Variants in SULF2 observed in about 807,000 individuals in gnomAD.
The protein encoded by SULF2 is sulfatase 2, also known as extracellular sulfatase Sulf-2.
In SULF2, 52 loss-of-function variants were observed where a neutral mutation model predicts 107.7. That is an observed-to-expected ratio of 0.48 (90% CI 0.39 to 0.61). The LOEUF (loss-of-function observed/expected upper bound fraction) is 0.61. Ranked by LOEUF, SULF2 falls within the 20% of genes least tolerant of loss-of-function variation. The pLI is 0.00. For missense variants in SULF2, 993 were observed against 1,177.3 expected (o/e 0.84, Z 2.29); for synonymous variants, 460 against 464.3 (o/e 0.99, Z 0.12).
At chr20:47,767,662 C>T (rs2090552414) in intron 1 of SULF2, among the ~76,000 whole-genome samples, 1 of 152,120 alleles carries the variant, frequency 6.6e-6, no homozygotes, top group Admixed American at 6.5e-5. Flanking sequence ...GTAGTCCTAG[C>T]TACTTGGAAG....
At chr20:47,745,929 C>A (rs953816737) in intron 2 of SULF2, among the ~76,000 whole-genome samples, 3 of 152,132 alleles carry the variant, frequency 2.0e-5, no homozygotes, top group African/African-American at 7.2e-5. Context: ...TTAGGTCTGC[C>A]CAAAAGGAAA....
rs2089747963 is a variant in SULF2, at chr20:47,736,935, C to T, written c.183G>A (p.Met61Ile). The T allele has an allele frequency of 6.2e-7, 1 of 1,614,088 alleles. No individual in the cohort carries two copies. Among genetic ancestry groups the T allele is most frequent in the Admixed American group, 1.7e-5 (1 of 60,012 alleles). ...TGCGCCGGGTCTTGTTCATCACCTG[C>T]ATGGAACCTGCAAGTCAAGGGTGGA... is the stretch of plus-strand genomic sequence containing the variant. The part of the protein sequence containing the change: ...TDDQDVELGS[M>I]QVMNKTRRIM... Residue 61 changes from methionine (M) to isoleucine (I), a missense_variant, in exon 3 of 21, where the codon ATG (methionine) becomes ATA (isoleucine). Around this residue, in one of 3 missense-constraint regions of SULF2, gnomAD observed 388 missense variants for 449.2 expected, o/e 0.86. Transcript: ENST00000688720.
intron 4 of SULF2, among the ~76,000 whole-genome samples, chr20:47,691,048 A>AGTAAATT (rs1316823117): frequency 2.0e-5 from 3 of 152,214 alleles, no homozygotes; most frequent in Non-Finnish European, 4.4e-5. Context: ...AGAGAAGCTA[A>AGTAAATT]GTAAATTGCC....
chr20:47,676,442 G>C (rs1391363915), intron 10 of SULF2, 52 bp downstream of exon 10: 1 of 1,584,788 alleles, frequency 6.3e-7, no homozygotes, highest in East Asian at 2.2e-5. Context: ...GCAGGTCAGG[G>C]CCGGCTGCAG....
chr20:47,782,538 A>G (rs1296189137), intron 1 of SULF2, among the ~76,000 whole-genome samples: 1 of 152,104 alleles, frequency 6.6e-6, no homozygotes, highest in Non-Finnish European at 1.5e-5. Context: ...CCTGACACAG[A>G]GCACCCTGGC....
intron 3 of SULF2, among the ~76,000 whole-genome samples, chr20:47,715,919 T>A (rs1451229647): frequency 1.3e-5 from 2 of 152,226 alleles, no homozygotes; most frequent in East Asian, 1.9e-4. Context: ...GTGCACACCC[T>A]CTGTGAGTGG....
chr20:47,679,825 T>C (rs567403837), intron 7 of SULF2, among the ~76,000 whole-genome samples: 2 of 152,294 alleles, frequency 1.3e-5, no homozygotes, highest in South Asian at 2.1e-4. Flanking sequence ...GCAGCACAGA[T>C]ACCCAACACA....
At chr20:47,745,930 C>A (rs1384545113) in intron 2 of SULF2, among the ~76,000 whole-genome samples, 1 of 152,180 alleles carries the variant, frequency 6.6e-6, no homozygotes, top group Non-Finnish European at 1.5e-5. Context: ...TAGGTCTGCC[C>A]AAAAGGAAAG....
Position 47,676,489 on chromosome 20 carries a change from C to T in SULF2, c.1380+5G>A. 1 of 1,608,128 alleles carries T rather than the reference C, an allele frequency of 6.2e-7. No individual in the cohort carries two copies. The highest frequency in any genetic ancestry group is 8.5e-7 in the Non-Finnish European group (1 of 1,178,698). On this transcript the variant is annotated splice_donor_5th_base_variant and intron_variant, in intron 10 of 20. Transcript: ENST00000688720. ...AGCCGTTGGGAGGGAAGGGAGCCTT[C>T]TTACCTGTCCCAGCTGCTCACACGC...
rs189275824 is a variant in SULF2, at chr20:47,726,201, G to C, written c.415+10502C>G. Reference sequence around the variant, plus strand: ...CTCCCAAAAGATTTTGTTTGATTAGGCTTTATTCTTCTTTCTTTTTTAGAG... The same window carrying C: ...CTCCCAAAAGATTTTGTTTGATTAGCCTTTATTCTTCTTTCTTTTTTAGAG... On this transcript the variant is annotated intron_variant, in intron 3 of 20. Coordinates refer to ENST00000688720, the MANE Select transcript of SULF2 (RefSeq NM_001387048.1). Among the ~76,000 whole-genome samples the C allele has an allele frequency of 4.6e-4, 70 of 152,140 alleles. 2 individuals carry two copies. Among genetic ancestry groups the C allele is most frequent in the African/African-American group, 1.7e-3 (69 of 41,516 alleles).
chr20:47,746,977 A>AT lies in SULF2; in HGVS notation c.176-10036dup, dbSNP rs1491229744. On this transcript the variant is annotated intron_variant, in intron 2 of 20. Coordinates refer to ENST00000688720, the MANE Select transcript of SULF2 (RefSeq NM_001387048.1). Reference sequence around the variant, plus strand: ...TGTGCACATGTACCCTAGAACTTAAATAAATAAAAAAAAAAAAATATATAT... The same window carrying AT: ...TGTGCACATGTACCCTAGAACTTAAATTAAATAAAAAAAAAAAAATATATAT... 9.0e-3 allele frequency among the ~76,000 whole-genome samples: 472 copies of AT among 52,628 alleles called. 2 individuals are homozygous for AT. The highest frequency in any genetic ancestry group is 0.037 in the Middle Eastern group (4 of 108). The allele number at this position is 52,628 out of a possible 152,430, so 34.5% of individuals were successfully genotyped here.
chr20:47,689,093 G>T (rs139314755), intron 5 of SULF2, among the ~76,000 whole-genome samples: 1 of 152,258 alleles, frequency 6.6e-6, no homozygotes, highest in Non-Finnish European at 1.5e-5. Context: ...GGCTGGACTT[G>T]AATCCTGGCT....
At chr20:47,758,778 G>A (rs771542498) in intron 1 of SULF2, among the ~76,000 whole-genome samples, 7 of 152,216 alleles carry the variant, frequency 4.6e-5, no homozygotes, top group South Asian at 2.1e-4. Flanking sequence ...GAGCATGAGC[G>A]AGAGAGCCAC....
chr20:47,679,777 T>C (rs186884991), intron 7 of SULF2, among the ~76,000 whole-genome samples: 1 of 152,284 alleles, frequency 6.6e-6, no homozygotes, highest in Admixed American at 6.5e-5. Context: ...TGTACATGTG[T>C]GTTGTCTTAA....
At chr20:47,661,661 C>T (rs199836587) in intron 18 of SULF2, 112 bp downstream of exon 18, 491 of 1,186,968 alleles carry the variant, frequency 4.1e-4, no homozygotes, top group Admixed American at 7.0e-4. Context: ...AACTGTATCA[C>T]CTCCCAAAGC....
intron 2 of SULF2, among the ~76,000 whole-genome samples, chr20:47,751,954 T>C (rs1003662357): frequency 3.3e-5 from 5 of 152,178 alleles, no homozygotes; most frequent in African/African-American, 9.7e-5. Flanking sequence ...CCAAACTTGA[T>C]TGACAAGTGT....
At chr20:47,737,448 G>A (rs77692818) in intron 2 of SULF2, among the ~76,000 whole-genome samples, 1 of 151,758 alleles carries the variant, frequency 6.6e-6, no homozygotes, top group Non-Finnish European at 1.5e-5. Context: ...ATAATTGTTT[G>A]CTCTTACTGA....
At position 47,774,053 on chromosome 20, in the gene SULF2, T is replaced by C. The variant is rs73626303; in HGVS notation, c.-101+11290A>G. On this transcript the variant is annotated intron_variant, in intron 1 of 20. Transcript: ENST00000688720. ...CAGATGAGCTGTTCATTAGTTCACC[T>C]TGGAAACAGCCCGACACTTACAATT... 9.1e-4 allele frequency among the ~76,000 whole-genome samples: 138 copies of C among 152,366 alleles called. 2 individuals are homozygous for C. The East Asian group carries it at 0.024, about 26-fold the overall frequency.
At chr20:47,702,470 AACT>A in intron 4 of SULF2, 46 bp downstream of exon 4, 1 of 1,587,082 alleles carries the variant, frequency 6.3e-7, no homozygotes, top group Non-Finnish European at 8.6e-7. Context: ...TTGGGCCTCT[AACT>A]GCTGGGCCAC....
Sources: gnomAD v4.1 joint callset for allele counts (sites outside exome capture counted in the v4.1 genomes callset) on GRCh38, gnomAD v4.1.1 for gene constraint, gnomAD v4.1.1 regional missense constraint, MANE v1.5 for transcripts, NCBI Gene and HGNC (gene_info 2026-07-23, HGNC 2026-07-21) for gene names.